The following CLYBL variants were observed in gnomAD, a reference collection of about 807,000 sequenced individuals.
The protein encoded by CLYBL is citramalyl-CoA lyase, also known as citramalyl-CoA lyase, mitochondrial.
In CLYBL, 31 loss-of-function variants were observed where a neutral mutation model predicts 38.9. The ratio of observed to expected loss-of-function variants is 0.80; its 90% CI spans 0.60 to 1.08. The LOEUF (loss-of-function observed/expected upper bound fraction) is 1.08, where lower values mean the gene tolerates loss of function less well. CLYBL is among the 50% of genes least tolerant of loss of function. CLYBL has a pLI of 0.00. For synonymous variants in CLYBL, 171 were observed against 158.6 expected, an observed-to-expected ratio of 1.08 and a Z score of -0.59; for missense variants, 434 against 411.6, an observed-to-expected ratio of 1.05 and a Z score of -0.47.
intron 1 of CLYBL, among the ~76,000 whole-genome samples, chr13:99,713,076 T>G (rs984152761): frequency 1.3e-5 from 2 of 152,200 alleles, no homozygotes; most frequent in African/African-American, 4.8e-5. Flanking sequence ...TGCTCCCTTT[T>G]TTGCTTCTAA....
intron 1 of CLYBL, among the ~76,000 whole-genome samples, chr13:99,671,800 A>G (rs2047569927): frequency 6.6e-6 from 1 of 151,846 alleles, no homozygotes; most frequent in African/African-American, 2.4e-5. Context: ...AAAAAATAAT[A>G]AAAGCTACTG....
chr13:99,731,583 A>G lies in CLYBL; in HGVS notation c.63-41241A>G, dbSNP rs1260284642. On this transcript the variant is annotated intron_variant, in intron 1 of 8. Transcript: ENST00000339105. Reference sequence around the variant, plus strand: ...ATGGTTTCACCAGCAGAACAGAGACATTGGCCACTGTTTAAGCTGTGCTAG... The same window carrying G: ...ATGGTTTCACCAGCAGAACAGAGACGTTGGCCACTGTTTAAGCTGTGCTAG... Among the ~76,000 whole-genome samples, 3 of 152,118 alleles carry G rather than the reference A, an allele frequency of 2.0e-5. No homozygotes were observed. The East Asian group carries it at 5.8e-4, about 29-fold the overall frequency.
intron 2 of CLYBL, among the ~76,000 whole-genome samples, chr13:99,844,894 C>G (rs1418904335): frequency 6.6e-6 from 1 of 152,176 alleles, no homozygotes; most frequent in South Asian, 2.1e-4. Context: ...TATCAAAGAC[C>G]GGATTCAATG....
At chr13:99,711,798 C>CT (rs2048237672) in intron 1 of CLYBL, among the ~76,000 whole-genome samples, 4 of 151,592 alleles carry the variant, frequency 2.6e-5, no homozygotes, top group Non-Finnish European at 5.9e-5. Flanking sequence ...TCACGGCAAC[C>CT]TTCACCTCCT....
intron 7 of CLYBL, among the ~76,000 whole-genome samples, chr13:99,883,486 TCC>T (rs1402514233): frequency 1.4e-5 from 2 of 146,100 alleles, no homozygotes; most frequent in African/African-American, 5.2e-5. Flanking sequence ...GCCATTGCAC[TCC>T]AGCCTGGGCA....
Position 99,675,745 on chromosome 13 carries a change from A to G in CLYBL, c.62+68988A>G, listed in dbSNP as rs1008921381. On this transcript the variant is annotated intron_variant, in intron 1 of 8. Transcript: ENST00000339105. ...GGCCAAATAATATTCCACTGTATGT[A>G]CTAATATATACCACATTTTATTTAT... Among the ~76,000 whole-genome samples the G allele has an allele frequency of 3.3e-4, 50 of 152,386 alleles. 1 individual carries two copies. The highest frequency in any genetic ancestry group is 9.1e-4 in the Admixed American group (14 of 15,306).
At chr13:99,616,335 T>C (rs762440678) in intron 1 of CLYBL, among the ~76,000 whole-genome samples, 3 of 152,138 alleles carry the variant, frequency 2.0e-5, no homozygotes, top group Admixed American at 6.6e-5. Flanking sequence ...TTTTATGTTT[T>C]GTTTACATTT....
intron 1 of CLYBL, among the ~76,000 whole-genome samples, chr13:99,696,618 C>G (rs2047983255): frequency 6.6e-6 from 1 of 151,890 alleles, no homozygotes; most frequent in Admixed American, 6.6e-5. Context: ...TTGATTACAT[C>G]CTAGGAGGCC....
chr13:99,714,252 C>T (rs1009779304), intron 1 of CLYBL, among the ~76,000 whole-genome samples: 16 of 152,230 alleles, frequency 1.1e-4, no homozygotes, highest in African/African-American at 2.4e-4. Flanking sequence ...TTGTTTGTTT[C>T]GGTTTTTATC....
chr13:99,626,114 G>T (rs1299448462), intron 1 of CLYBL, among the ~76,000 whole-genome samples: 1 of 152,240 alleles, frequency 6.6e-6, no homozygotes, highest in East Asian at 1.9e-4. Flanking sequence ...ATGGCCGGTG[G>T]TGAAGCAGGG....
intron 1 of CLYBL, among the ~76,000 whole-genome samples, chr13:99,708,072 C>G (rs2048172766): frequency 6.6e-6 from 1 of 152,122 alleles, no homozygotes. Flanking sequence ...CAACTTCCAC[C>G]CCCTGGGTTC....
intron 1 of CLYBL, among the ~76,000 whole-genome samples, chr13:99,675,019 T>A (rs1208581444): frequency 6.6e-6 from 1 of 152,190 alleles, no homozygotes; most frequent in African/African-American, 2.4e-5. Flanking sequence ...CATTCCAGTC[T>A]GGGCAACATA....
At chr13:99,715,238 C>G (rs1218245360) in intron 1 of CLYBL, among the ~76,000 whole-genome samples, 2 of 152,158 alleles carry the variant, frequency 1.3e-5, no homozygotes, top group African/African-American at 4.8e-5. Context: ...CCTGGACTTT[C>G]ACTCAGCCCG....
chr13:99,886,855 A>G (rs1425924014), intron 7 of CLYBL, among the ~76,000 whole-genome samples: 1 of 152,026 alleles, frequency 6.6e-6, no homozygotes, highest in Non-Finnish European at 1.5e-5. Flanking sequence ...CCTCCAGCAA[A>G]TGGTAAGCTC....
At chr13:99,676,276 C>T (rs1178128878) in intron 1 of CLYBL, among the ~76,000 whole-genome samples, 5 of 150,170 alleles carry the variant, frequency 3.3e-5, no homozygotes, top group Non-Finnish European at 7.4e-5. Context: ...TTCTCTTTCT[C>T]TCTCTCTTTC....
At chr13:99,843,450 T>C (rs902294479) in intron 2 of CLYBL, among the ~76,000 whole-genome samples, 1 of 152,162 alleles carries the variant, frequency 6.6e-6, no homozygotes, top group East Asian at 1.9e-4. Flanking sequence ...TACTTGTTTC[T>C]TAGCTGTTTT....
At chr13:99,876,067 C>A (rs777881758) in intron 7 of CLYBL, among the ~76,000 whole-genome samples, 2 of 101,950 alleles carry the variant, frequency 2.0e-5, no homozygotes, top group Non-Finnish European at 3.7e-5. Context: ...TATTCTATTT[C>A]ACTTTTTTTT....
chr13:99,608,847 C>CTTTTTTTTTTTTTTTTTTTTT (rs57961216), intron 1 of CLYBL, among the ~76,000 whole-genome samples: 11 of 87,874 alleles, frequency 1.3e-4, no homozygotes, highest in African/African-American at 2.2e-4. Flanking sequence ...AGTGATGAGT[C>CTTTTTTTTTTTTTTTTTTTTT]TTTTTTTTTT....
intron 7 of CLYBL, among the ~76,000 whole-genome samples, chr13:99,879,859 G>A (rs2052149522): frequency 6.6e-6 from 1 of 151,980 alleles, no homozygotes; most frequent in Non-Finnish European, 1.5e-5. Context: ...AATACCAGTA[G>A]CAATGGTGGT....
Sources: allele counts gnomAD v4.1 joint callset (sites outside exome capture counted in the v4.1 genomes callset), GRCh38; gene constraint gnomAD v4.1.1; transcripts MANE v1.5; gene names NCBI Gene and HGNC (gene_info 2026-07-23, HGNC 2026-07-21).